SSH2: variants seen among roughly 807,000 people sequenced by gnomAD.
SSH2 encodes protein phosphatase Slingshot homolog 2.
In SSH2, 37 loss-of-function variants were observed where a neutral mutation model predicts 135.2. The ratio of observed to expected loss-of-function variants is 0.27; its 90% confidence interval spans 0.21 to 0.36. SSH2 has a LOEUF of 0.36. Ranked by LOEUF, SSH2 falls within the 10% of genes least tolerant of loss-of-function variation. The pLI is 1.00. For synonymous variants in SSH2, 628 were observed against 646.2 expected (o/e 0.97, Z 0.43); for missense variants, 1,408 against 1,765.3 (o/e 0.80, Z 3.63).
chr17:29,653,965 G>A (rs1342713665), intron 12 of SSH2, among the ~76,000 whole-genome samples: 3 of 152,148 alleles, frequency 2.0e-5, no homozygotes, highest in Admixed American at 1.3e-4. Flanking sequence ...GAAATCTTAA[G>A]GAGACTCTTG....
rs184612890 is a variant in SSH2, at chr17:29,798,792, A to T, written c.145-4855T>A. ...GTTAACATTTAATATAATTTTTGAT[A>T]TTGTTAGATTTGTGTCCACCATGTT... On this transcript the variant is annotated intron_variant, in intron 2 of 15. Coordinates refer to ENST00000540801, the MANE Select transcript of SSH2 (RefSeq NM_001282129.2). 1.6e-4 allele frequency among the ~76,000 whole-genome samples: 25 copies of T among 152,192 alleles called. No homozygotes were observed. In the East Asian group the frequency reaches 2.5e-3, roughly 15 times the overall value.
intron 2 of SSH2, among the ~76,000 whole-genome samples, chr17:29,838,606 G>C (rs1201025525): frequency 6.6e-6 from 1 of 152,202 alleles, no homozygotes; most frequent in Non-Finnish European, 1.5e-5. Context: ...GACCAGAAGA[G>C]AGGACGGGAT....
chr17:29,767,278 A>G (rs1350918902), intron 3 of SSH2, among the ~76,000 whole-genome samples: 6 of 152,190 alleles, frequency 3.9e-5, no homozygotes, highest in Admixed American at 3.9e-4. Context: ...TTTAGTAAAA[A>G]TAATAGGTAT....
chr17:29,799,846 A>C (rs1207044165), intron 2 of SSH2, among the ~76,000 whole-genome samples: 1 of 152,196 alleles, frequency 6.6e-6, no homozygotes, highest in Non-Finnish European at 1.5e-5. Flanking sequence ...GACTTATTCA[A>C]GGTCATAAAT....
intron 1 of SSH2, among the ~76,000 whole-genome samples, chr17:29,859,169 G>A (rs1311613313): frequency 6.6e-6 from 1 of 152,032 alleles, no homozygotes; most frequent in African/African-American, 2.4e-5. Flanking sequence ...AGCATCTAGT[G>A]GCTATCTGCA....
chr17:29,905,421 C>A (rs2066635538), intron 1 of SSH2, among the ~76,000 whole-genome samples: 1 of 152,210 alleles, frequency 6.6e-6, no homozygotes, highest in Non-Finnish European at 1.5e-5. Flanking sequence ...GGGCTGCATG[C>A]TCCAAGACGC....
chr17:29,799,844 C>T (rs999475056), intron 2 of SSH2, among the ~76,000 whole-genome samples: 3 of 152,130 alleles, frequency 2.0e-5, no homozygotes, highest in Admixed American at 6.5e-5. Flanking sequence ...GGGACTTATT[C>T]AAGGTCATAA....
intron 2 of SSH2, among the ~76,000 whole-genome samples, chr17:29,838,668 G>A (rs955973725): frequency 3.9e-5 from 6 of 152,044 alleles, no homozygotes; most frequent in Admixed American, 1.3e-4. Context: ...AACACTCATC[G>A]GGATGACCTG....
At position 29,629,023 on chromosome 17, in the gene SSH2, G is replaced by C. The variant is rs2035577563; in HGVS notation, c.*1818C>G. 6.6e-6 allele frequency: 1 copy of C among 152,252 alleles called. No homozygotes were observed. The highest frequency in any genetic ancestry group is 2.1e-4 in the South Asian group (1 of 4,824). The allele number at this position is 152,252 out of a possible 1,614,324, so 9.4% of individuals were successfully genotyped here. A position where few individuals can be genotyped will look rare whatever the true frequency, so the allele number is the denominator to read the frequency against. ...CAGTGCTGTGATAAGCCAAAAACCT[G>C]TCTCCAGTCTATACTCAGTCAATCC... is the stretch of plus-strand genomic sequence containing the variant. On this transcript the variant is annotated 3_prime_UTR_variant, in exon 16 of 16. Coordinates refer to ENST00000540801, the MANE Select transcript of SSH2 (RefSeq NM_001282129.2).
At chr17:29,927,137 T>A (rs902569657) in intron 1 of SSH2, among the ~76,000 whole-genome samples, 8 of 152,172 alleles carry the variant, frequency 5.3e-5, no homozygotes, top group African/African-American at 1.7e-4. Flanking sequence ...CTGGCATAGA[T>A]GAGGACCCAA....
chr17:29,672,538 T>C (rs2037537596), intron 8 of SSH2, among the ~76,000 whole-genome samples: 1 of 152,226 alleles, frequency 6.6e-6, no homozygotes, highest in South Asian at 2.1e-4. Context: ...ATATATTTTC[T>C]GTAATTCTTA....
intron 3 of SSH2, among the ~76,000 whole-genome samples, chr17:29,742,487 T>TG (rs1480631672): frequency 2.3e-4 from 34 of 145,886 alleles, no homozygotes; most frequent in African/African-American, 8.2e-4. Context: ...CCCAGTTTTT[T>TG]TTTTTTTTTT....
chr17:29,833,387 T>A (rs753463898), intron 2 of SSH2, among the ~76,000 whole-genome samples: 1 of 152,220 alleles, frequency 6.6e-6, no homozygotes, highest in African/African-American at 2.4e-5. Flanking sequence ...TTTTATCTGA[T>A]ATAAGTATAG....
chr17:29,821,909 G>C (rs754165383), intron 2 of SSH2, among the ~76,000 whole-genome samples: 3 of 152,170 alleles, frequency 2.0e-5, no homozygotes, highest in Non-Finnish European at 4.4e-5. Context: ...CTCCCAAGGT[G>C]CTGGGATTAC....
At chr17:29,717,713 T>C (rs2039674066) in intron 3 of SSH2, among the ~76,000 whole-genome samples, 3 of 152,128 alleles carry the variant, frequency 2.0e-5, no homozygotes, top group Non-Finnish European at 4.4e-5. Flanking sequence ...GAGGCAGCCA[T>C]GCAGCTGTTT....
In SSH2 at chr17:29,635,967, C is replaced by T; in HGVS notation, c.2262+1G>A. 1 of 1,602,354 alleles carries T rather than the reference C, an allele frequency of 6.2e-7. No homozygotes were observed. The highest frequency in any genetic ancestry group is 8.5e-7 in the Non-Finnish European group (1 of 1,171,290). ...CGGAAAACTATAAAGACAGTTTTTA[C>T]CTTTGACTGTTCCTCATCCATTGAA... On this transcript the variant is annotated splice_donor_variant, in intron 15 of 15. Transcript: ENST00000540801. LOFTEE classifies it high-confidence loss of function.
intron 3 of SSH2, among the ~76,000 whole-genome samples, chr17:29,786,570 CAAT>C (rs1443043500): frequency 1.3e-5 from 2 of 151,894 alleles, no homozygotes; most frequent in Admixed American, 1.3e-4. Flanking sequence ...CAACAATAGT[CAAT>C]GATATAAAAC....
At chr17:29,915,749 G>T (rs987787305) in intron 1 of SSH2, among the ~76,000 whole-genome samples, 1 of 151,480 alleles carries the variant, frequency 6.6e-6, no homozygotes, top group African/African-American at 2.4e-5. Context: ...GTGGAAATTG[G>T]CAACTAAAAC....
At chr17:29,908,345 C>T (rs1295882328) in intron 1 of SSH2, among the ~76,000 whole-genome samples, 5 of 151,944 alleles carry the variant, frequency 3.3e-5, no homozygotes, top group Non-Finnish European at 7.4e-5. Context: ...CTTAGTCCTG[C>T]TACTCAGGAG....
Sources: gnomAD v4.1 joint callset for allele counts (sites outside exome capture counted in the v4.1 genomes callset) on GRCh38, gnomAD v4.1.1 for gene constraint, MANE v1.5 for transcripts, NCBI Gene and HGNC (gene_info 2026-07-23, HGNC 2026-07-21) for gene names.